Variants in MSR1 observed in about 807,000 individuals in gnomAD.
MSR1 encodes the protein macrophage scavenger receptor types I and II.
MSR1 carries 53 observed loss-of-function variants against 47.2 expected under a neutral mutation model. That is an observed-to-expected ratio of 1.12 (90% confidence interval 0.90 to 1.41). The LOEUF (loss-of-function observed/expected upper bound fraction) is 1.41. Ranked by LOEUF, MSR1 falls within the 40% of genes most tolerant of loss-of-function variation. The pLI is 0.00. For synonymous variants in MSR1, 239 were observed against 185.6 expected, an observed-to-expected ratio of 1.29 and a Z score of -2.34; for missense variants, 786 against 546.9, an observed-to-expected ratio of 1.44 and a Z score of -4.36.
intron 5 of MSR1, among the ~76,000 whole-genome samples, chr8:16,158,930 ATTTTT>A (rs34495946): frequency 9.3e-6 from 1 of 107,804 alleles, no homozygotes; most frequent in East Asian, 2.8e-4. Flanking sequence ...CCTTTGGTTA[ATTTTT>A]TTTTTTTTTT....
chr8:16,117,770 C>T (rs1799909583), intron 9 of MSR1, among the ~76,000 whole-genome samples: 1 of 152,098 alleles, frequency 6.6e-6, no homozygotes, highest in African/African-American at 2.4e-5. Flanking sequence ...CCATCAGCCC[C>T]AGATGGGACC....
chr8:16,111,298 C>A (rs947107366), intron 9 of MSR1, among the ~76,000 whole-genome samples: 4 of 152,090 alleles, frequency 2.6e-5, no homozygotes. Flanking sequence ...TAAATTATAT[C>A]TATTATATTT....
intron 8 of MSR1, among the ~76,000 whole-genome samples, chr8:16,129,142 G>T (rs1200032143): frequency 1.3e-5 from 2 of 152,102 alleles, no homozygotes; most frequent in African/African-American, 4.8e-5. Context: ...TGCAGTTAAA[G>T]AGGTTTACTT....
At chr8:16,187,222 G>A (rs1455016315) in intron 1 of MSR1, among the ~76,000 whole-genome samples, 1 of 151,640 alleles carries the variant, frequency 6.6e-6, no homozygotes, top group Non-Finnish European at 1.5e-5. Context: ...AATTAGCTGA[G>A]TGTGGTGGCG....
At chr8:16,153,274 A>G (rs964263703) in intron 6 of MSR1, among the ~76,000 whole-genome samples, 3 of 152,022 alleles carry the variant, frequency 2.0e-5, no homozygotes, top group Admixed American at 6.6e-5. Context: ...CATCAAATAT[A>G]AGGCAATTAG....
intron 4 of MSR1, among the ~76,000 whole-genome samples, chr8:16,167,866 A>G (rs116520559): frequency 9.7e-4 from 147 of 152,282 alleles, no homozygotes; most frequent in African/African-American, 3.4e-3. Context: ...TGATATCCCA[A>G]TACCCTTTGA....
chr8:16,168,351 G>T lies in MSR1; in HGVS notation c.630+107C>A, dbSNP rs1028412236. ...TAGCCATAGAAATCAGGGTAAACAG[G>T]ATGATGAAACAGGGTTTGCAACTTT... On this transcript the variant is annotated intron_variant, in intron 4 of 9. Transcript: ENST00000262101. The T allele has an allele frequency of 4.6e-6, 5 of 1,077,554 alleles. No homozygotes were observed. In the African/African-American group the frequency reaches 4.7e-5, roughly 10 times the overall value. The allele number at this position is 1,077,554 out of a possible 1,614,324, so 66.7% of individuals were successfully genotyped here. A position where few individuals can be genotyped will look rare whatever the true frequency, so the allele number is the denominator to read the frequency against.
Position 16,139,760 on chromosome 8 carries a change from AAAAAAAAAAAAAAAATATATAT to A in MSR1, c.1033+3776_1033+3797del, listed in dbSNP as rs1309051866. 29 of 160,680 alleles carry A rather than the reference AAAAAAAAAAAAAAAATATATAT, an allele frequency of 1.8e-4. No homozygotes were observed. In the African/African-American group the frequency reaches 2.2e-3, roughly 12 times the overall value. The allele number at this position is 160,680 out of a possible 1,614,324, so 10.0% of individuals were successfully genotyped here. On this transcript the variant is annotated intron_variant, in intron 8 of 9. Coordinates refer to ENST00000262101, the MANE Select transcript of MSR1 (RefSeq NM_138715.3). ...CACTTCAAAACTTAAAAAAAAAAAA[AAAAAAAAAAAAAAAATATATAT>A]ATATATATATATATATATATATATA...
At chr8:16,121,759 T>C (rs1800010618) in intron 8 of MSR1, among the ~76,000 whole-genome samples, 2 of 151,928 alleles carry the variant, frequency 1.3e-5, no homozygotes. Flanking sequence ...GATGTAATTT[T>C]CATAACAAAA....
At chr8:16,130,686 G>C (rs528294651) in intron 8 of MSR1, among the ~76,000 whole-genome samples, 1 of 151,834 alleles carries the variant, frequency 6.6e-6, no homozygotes, top group Non-Finnish European at 1.5e-5. Flanking sequence ...CTTTGTGTCC[G>C]TATCTACTCA....
intron 5 of MSR1, among the ~76,000 whole-genome samples, chr8:16,160,347 A>G (rs1801127947): frequency 6.6e-6 from 1 of 152,082 alleles, no homozygotes; most frequent in African/African-American, 2.4e-5. Flanking sequence ...GAAACCAGGA[A>G]GAATGACACT....
At chr8:16,147,655 C>G (rs1301020139) in intron 7 of MSR1, among the ~76,000 whole-genome samples, 1 of 152,002 alleles carries the variant, frequency 6.6e-6, no homozygotes, top group Non-Finnish European at 1.5e-5. Context: ...ATTTTAGCAC[C>G]TTCTTCAGAC....
At chr8:16,135,214 T>C (rs1399215245) in intron 8 of MSR1, among the ~76,000 whole-genome samples, 4 of 152,030 alleles carry the variant, frequency 2.6e-5, no homozygotes, top group African/African-American at 9.7e-5. Flanking sequence ...TAGAGAGGAG[T>C]TCATGCTTGA....
At chr8:16,126,667 T>C (rs1025454017) in intron 8 of MSR1, among the ~76,000 whole-genome samples, 2 of 152,120 alleles carry the variant, frequency 1.3e-5, no homozygotes, top group African/African-American at 4.8e-5. Context: ...ACATAACATA[T>C]TGTGTTACTC....
chr8:16,170,721 A>C (rs1246331370), intron 3 of MSR1, among the ~76,000 whole-genome samples: 1 of 152,188 alleles, frequency 6.6e-6, no homozygotes, highest in Non-Finnish European at 1.5e-5. Context: ...GATTTTGTTC[A>C]ATAACTAACA....
At chr8:16,117,283 TG>T (rs1799898278) in intron 9 of MSR1, among the ~76,000 whole-genome samples, 1 of 152,164 alleles carries the variant, frequency 6.6e-6, no homozygotes, top group Non-Finnish European at 1.5e-5. Flanking sequence ...GGATCTAGGT[TG>T]CACGCTTCTT....
chr8:16,186,240 C>A (rs759843733), intron 1 of MSR1: 1 of 1,519,212 alleles, frequency 6.6e-7, no homozygotes, highest in South Asian at 1.2e-5. Flanking sequence ...CTGGGTATTC[C>A]TCCTCATCTC....
At chr8:16,183,708 A>G (rs543403025) in intron 1 of MSR1, among the ~76,000 whole-genome samples, 1 of 142,930 alleles carries the variant, frequency 7.0e-6, no homozygotes, top group East Asian at 2.0e-4. Context: ...ATTATATGTA[A>G]TACCATATAT....
intron 7 of MSR1, among the ~76,000 whole-genome samples, chr8:16,149,651 A>G (rs1457115586): frequency 6.6e-6 from 1 of 152,132 alleles, no homozygotes; most frequent in Non-Finnish European, 1.5e-5. Context: ...GATGGAAATA[A>G]TATCATCATG....
Sources: allele counts gnomAD v4.1 joint callset (sites outside exome capture counted in the v4.1 genomes callset), GRCh38; gene constraint gnomAD v4.1.1; transcripts MANE v1.5; gene names NCBI Gene and HGNC (gene_info 2026-07-23, HGNC 2026-07-21).